ZNF536: variants seen among roughly 807,000 people sequenced by gnomAD.
ZNF536 encodes zinc finger protein 536.
Under a neutral mutation model 84.5 loss-of-function variants are expected in ZNF536, and 13 were observed. The observed-to-expected ratio is 0.15, with a 90% CI of 0.10 to 0.24. ZNF536 has a LOEUF of 0.24. Ranked by LOEUF, ZNF536 falls within the 10% of genes least tolerant of loss-of-function variation. The pLI is 1.00. For missense variants in ZNF536, 1,536 were observed against 1,747.5 expected, an observed-to-expected ratio of 0.88 and a Z score of 2.16; for synonymous variants, 811 against 742.5, an observed-to-expected ratio of 1.09 and a Z score of -1.50.
intron 1 of ZNF536, among the ~76,000 whole-genome samples, chr19:30,374,886 C>T (rs2048751282): frequency 6.6e-6 from 1 of 151,576 alleles, no homozygotes; most frequent in African/African-American, 2.4e-5. Context: ...GGGCGCCTGC[C>T]GCCCGCGAGC....
intron 2 of ZNF536, among the ~76,000 whole-genome samples, chr19:30,464,931 C>A (rs2053318334): frequency 6.6e-6 from 1 of 152,036 alleles, no homozygotes; most frequent in South Asian, 2.1e-4. Context: ...GTGGCTGGAA[C>A]CCCCAAGGGA....
At chr19:30,439,959 C>CTTTTTTTTTTTTTTTTTTTT (rs199638233) in intron 1 of ZNF536, among the ~76,000 whole-genome samples, 8 of 96,390 alleles carry the variant, frequency 8.3e-5, no homozygotes, top group Admixed American at 1.2e-4. Flanking sequence ...TTCTTTCTTT[C>CTTTTTTTTTTTTTTTTTTTT]TTTTTTTTTT....
chr19:30,295,435 G>C (rs562873712), intron 2 of ZNF536, among the ~76,000 whole-genome samples: 1 of 152,232 alleles, frequency 6.6e-6, no homozygotes, highest in Non-Finnish European at 1.5e-5. Context: ...TTGCGTGGAG[G>C]GCTTTGAAAA....
chr19:30,340,188 G>A (rs929990256), intron 2 of ZNF536, among the ~76,000 whole-genome samples: 2 of 152,200 alleles, frequency 1.3e-5, no homozygotes, highest in Admixed American at 1.3e-4. Flanking sequence ...AGGTGTCAGA[G>A]ATGGCCTTAA....
chr19:30,550,127 TTGTC>T (rs1303710231), intron 4 of ZNF536, among the ~76,000 whole-genome samples: 14 of 152,298 alleles, frequency 9.2e-5, no homozygotes, highest in African/African-American at 2.4e-4. Context: ...TGCCTTCTGT[TTGTC>T]TGTCTGTTCA....
At chr19:30,597,908 G>GTTGTTGTATGCATATAGTTA (rs371197786) in intron 1 of ZNF536, among the ~76,000 whole-genome samples, 4 of 152,034 alleles carry the variant, frequency 2.6e-5, no homozygotes, top group African/African-American at 4.8e-5. Context: ...TTTTGACATT[G>GTTGTTGTATGCATATAGTTA]TTGTTGTATG....
chr19:30,616,820 T>C (rs2147100275), intron 1 of ZNF536, among the ~76,000 whole-genome samples: 1 of 152,320 alleles, frequency 6.6e-6, no homozygotes, highest in East Asian at 1.9e-4. Flanking sequence ...ACTCTTTCAA[T>C]TATTTTTTTC....
At chr19:30,266,378 G>A (rs903643914) in intron 1 of ZNF536, among the ~76,000 whole-genome samples, 3 of 152,048 alleles carry the variant, frequency 2.0e-5, no homozygotes, top group African/African-American at 7.2e-5. Context: ...TCCCCATCAC[G>A]GTCAGACTGA....
intron 1 of ZNF536, among the ~76,000 whole-genome samples, chr19:30,646,279 GTTC>G (rs923830888): frequency 1.7e-4 from 26 of 152,148 alleles, no homozygotes; most frequent in African/African-American, 5.8e-4. Flanking sequence ...AAAATAGTAT[GTTC>G]TTTTTTCCTT....
intron 1 of ZNF536, among the ~76,000 whole-genome samples, chr19:30,439,532 G>A (rs940194488): frequency 1.3e-5 from 2 of 152,152 alleles, no homozygotes; most frequent in Admixed American, 6.5e-5. Context: ...CCAGGAACTC[G>A]TGCTTCCCTT....
chr19:30,484,427 A>T (rs1312238631), intron 2 of ZNF536, among the ~76,000 whole-genome samples: 1 of 142,828 alleles, frequency 7.0e-6, no homozygotes, highest in South Asian at 2.2e-4. Flanking sequence ...TAGTAGAGAC[A>T]GGGTTTCACC....
intron 1 of ZNF536, among the ~76,000 whole-genome samples, chr19:30,653,741 G>A (rs1391331992): frequency 1.3e-5 from 2 of 152,114 alleles, no homozygotes; most frequent in Non-Finnish European, 2.9e-5. Context: ...CCTTAGGGAG[G>A]TGTGGCTCTT....
chr19:30,352,417 A>C (rs1278535026), exon 3 of ZNF536: 1 of 152,230 alleles, frequency 6.6e-6, no homozygotes, highest in African/African-American at 2.4e-5. Flanking sequence ...CACCAACTTT[A>C]TCCTTTCTGG....
intron 1 of ZNF536, among the ~76,000 whole-genome samples, chr19:30,625,760 C>G (rs1001599342): frequency 2.0e-5 from 3 of 152,196 alleles, no homozygotes; most frequent in Admixed American, 2.0e-4. Context: ...CATGTTCTGG[C>G]TCCTTTATGC....
At chr19:30,369,043 C>T (rs1467847318), upstream of ZNF536, among the ~76,000 whole-genome samples, 3 of 152,154 alleles carry the variant, frequency 2.0e-5, no homozygotes, top group African/African-American at 7.2e-5. Flanking sequence ...GTGTTACCAA[C>T]TCGTCTCCCT....
At position 30,443,940 on chromosome 19, in the gene ZNF536, G is replaced by A. The variant is rs2052189027; in HGVS notation, c.378G>A (p.Lys126=). Residue 126 remains lysine (K), a synonymous_variant, in exon 2 of 5, where the codon AAG becomes AAA. Transcript: ENST00000355537. ...QMSDIEDDAR[K]NRKYPCPLCG... is the part of the protein sequence containing the mutation. ...GCGACATCGAGGACGACGCCCGCAA[G>A]AACCGCAAGTACCCGTGCCCACTCT... is the stretch of plus-strand genomic sequence containing the variant. The A allele has an allele frequency of 6.2e-7, 1 of 1,613,724 alleles. No homozygotes were observed. The highest frequency in any genetic ancestry group is 1.3e-5 in the African/African-American group (1 of 75,072).
intron 2 of ZNF536, among the ~76,000 whole-genome samples, chr19:30,452,528 A>C (rs574906322): frequency 1.3e-5 from 2 of 152,244 alleles, no homozygotes; most frequent in East Asian, 3.9e-4. Context: ...TCGATATTCC[A>C]CTGGTTCTAG....
At chr19:30,546,691 G>C (rs1210032070) in intron 3 of ZNF536, among the ~76,000 whole-genome samples, 2 of 152,238 alleles carry the variant, frequency 1.3e-5, no homozygotes, top group Admixed American at 6.5e-5. Context: ...TTTTACAATA[G>C]AACAGAGGAA....
rs73924780 is a variant in ZNF536, at chr19:30,572,358, G to A, written c.169+22844G>A. On this transcript the variant is annotated intron_variant, in intron 1 of 1. Transcript: ENST00000592773. Reference sequence around the variant, plus strand: ...TCCTAAGAGCAGAATGTGAAGTGGGGGCACCCAAGGGGGGCAGCTGTGGGA... The same window carrying A: ...TCCTAAGAGCAGAATGTGAAGTGGGAGCACCCAAGGGGGGCAGCTGTGGGA... Among the ~76,000 whole-genome samples the A allele has an allele frequency of 9.4e-3, 1,425 of 152,242 alleles. 23 individuals carry two copies. The highest frequency in any genetic ancestry group is 0.033 in the African/African-American group (1,373 of 41,526).
Sources: gnomAD v4.1 joint callset for allele counts (sites outside exome capture counted in the v4.1 genomes callset) on GRCh38, gnomAD v4.1.1 for gene constraint, MANE v1.5 for transcripts, NCBI Gene and HGNC (gene_info 2026-07-23, HGNC 2026-07-21) for gene names.